The following FAM184A variants were observed in gnomAD, a reference collection of about 807,000 sequenced individuals.
FAM184A encodes protein FAM184A.
In FAM184A, 99 loss-of-function variants were observed where a neutral mutation model predicts 143.8. The ratio of observed to expected loss-of-function variants is 0.69; its 90% CI spans 0.58 to 0.81. FAM184A has a LOEUF of 0.81. Ranked by LOEUF, FAM184A falls within the 40% of genes least tolerant of loss-of-function variation. The probability of loss-of-function intolerance (pLI) is 0.00; values close to 1 mark genes in which losing one functional copy is unlikely to be tolerated. For synonymous variants in FAM184A, 427 were observed against 446.4 expected (o/e 0.96, Z 0.55); for missense variants, 1,217 against 1,310.5 (o/e 0.93, Z 1.10).
intron 9 of FAM184A, among the ~76,000 whole-genome samples, chr6:119,001,554 C>T (rs919625668): frequency 6.6e-6 from 1 of 151,882 alleles, no homozygotes; most frequent in African/African-American, 2.4e-5. Context: ...AGAATAGACA[C>T]CCAAAGAAAA....
chr6:119,092,772 T>A (rs537844483), intron 1 of FAM184A, among the ~76,000 whole-genome samples: 10 of 152,320 alleles, frequency 6.6e-5, no homozygotes, highest in African/African-American at 2.4e-4. Context: ...CTGGGTCTGA[T>A]AACTCACTCT....
chr6:119,044,294 G>T (rs1210271170), intron 1 of FAM184A, among the ~76,000 whole-genome samples: 1 of 151,930 alleles, frequency 6.6e-6, no homozygotes, highest in Non-Finnish European at 1.5e-5. Flanking sequence ...AAAACTATTC[G>T]AGCTAATAAA....
intron 16 of FAM184A, 179 bp from the exon 17 acceptor site, chr6:118,962,142 T>C (rs1583755028): frequency 3.3e-6 from 2 of 609,588 alleles, no homozygotes; most frequent in South Asian, 4.0e-5. Context: ...GTATTTTTTA[T>C]CTACATGGAA....
chr6:119,061,597 T>C (rs1332923013), intron 1 of FAM184A, among the ~76,000 whole-genome samples: 1 of 144,366 alleles, frequency 6.9e-6, no homozygotes, highest in East Asian at 2.1e-4. Context: ...AGACTGGTGT[T>C]GAACTCCTGG....
rs1286024598 is a variant in FAM184A at position 119,024,317 on chromosome 6, G to C, written c.656C>G (p.Ala219Gly). The C allele has an allele frequency of 4.3e-6, 7 of 1,614,014 alleles. No individual in the cohort carries two copies. The highest frequency in any genetic ancestry group is 4.0e-5 in the African/African-American group (3 of 74,914). Residue 219 changes from alanine (A) to glycine (G), a missense_variant, in exon 2 of 18, where the codon GCA becomes GGA. Physicochemically the swap from Ala to Gly is moderately conservative, Grantham distance 60. Transcript: ENST00000338891. ...CACCTCCATTCTGTGTAGTTCCTCT[G>C]CCTTTTCCTGGCCTTTATTTACTGA... The part of the protein sequence containing the change: ...SASVNKGQEK[A>G]EELHRMEVES...
intron 1 of FAM184A, among the ~76,000 whole-genome samples, chr6:119,107,963 C>G (rs1238243541): frequency 6.6e-6 from 1 of 152,040 alleles, no homozygotes; most frequent in Non-Finnish European, 1.5e-5. Context: ...ACATTCTTTA[C>G]AAATATGAAC....
upstream of FAM184A, chr6:119,078,711 G>A: frequency 6.4e-6 from 1 of 155,718 alleles, no homozygotes; most frequent in Non-Finnish European, 1.4e-5. The surrounding 1 kb of genome is among the most constrained non-coding windows in gnomAD (Gnocchi z 5.5). Flanking sequence ...GATAGGCGGG[G>A]ACATGGAGGA....
intron 9 of FAM184A, among the ~76,000 whole-genome samples, chr6:118,990,793 A>G (rs568034694): frequency 6.6e-6 from 1 of 152,016 alleles, no homozygotes; most frequent in East Asian, 1.9e-4. Flanking sequence ...CGGGAGGCTG[A>G]GGCAAAAGAA....
In FAM184A at chr6:119,115,810, A is replaced by C. The variant is rs564577640; in HGVS notation, c.-202+33268T>G. On this transcript the variant is annotated intron_variant, in intron 1 of 16. Coordinates refer to the FAM184A transcript ENST00000352896. ...AAACCCCATCTCTACTAAAAATACA[A>C]AAAAAAAAAATAGCCTGGTATGGTG... Among the ~76,000 whole-genome samples, 339 of 112,546 alleles carry C rather than the reference A, an allele frequency of 3.0e-3. 1 individual carries two copies. The highest frequency in any genetic ancestry group is 0.014 in the African/African-American group (312 of 21,692). The allele number at this position is 112,546 out of a possible 152,430, so 73.8% of individuals were successfully genotyped here. A position where few individuals can be genotyped will look rare whatever the true frequency, so the allele number is the denominator to read the frequency against.
At chr6:118,991,147 T>C (rs575194595) in intron 9 of FAM184A, among the ~76,000 whole-genome samples, 1 of 151,882 alleles carries the variant, frequency 6.6e-6, no homozygotes, top group South Asian at 2.1e-4. Context: ...GAAAAGATAT[T>C]TTATTTTATT....
At chr6:119,137,668 G>A (rs1254276169) in intron 1 of FAM184A, among the ~76,000 whole-genome samples, 5 of 152,174 alleles carry the variant, frequency 3.3e-5, no homozygotes. Flanking sequence ...AAAATCCAGT[G>A]AGTGAGCACC....
At chr6:119,118,733 G>T (rs1789127200) in intron 1 of FAM184A, among the ~76,000 whole-genome samples, 1 of 151,896 alleles carries the variant, frequency 6.6e-6, no homozygotes, top group Admixed American at 6.6e-5. Context: ...GTCATCTCAG[G>T]ACCCTGTGAT....
chr6:119,041,804 C>T (rs560806333), intron 1 of FAM184A, among the ~76,000 whole-genome samples: 17 of 152,308 alleles, frequency 1.1e-4, no homozygotes, highest in South Asian at 1.0e-3. Flanking sequence ...TGGTCCTGCA[C>T]GGCTAAGTGC....
At chr6:119,018,877 T>A (rs1411946271) in intron 4 of FAM184A, among the ~76,000 whole-genome samples, 1 of 149,230 alleles carries the variant, frequency 6.7e-6, no homozygotes, top group Non-Finnish European at 1.5e-5. Flanking sequence ...TTCAGCTTTT[T>A]GATTTAGCAA....
At chr6:118,970,012 T>A (rs868557266) in intron 14 of FAM184A, among the ~76,000 whole-genome samples, 2,038 of 16,450 alleles carry the variant, frequency 0.12, 592 homozygotes, top group African/African-American at 0.35. Flanking sequence ...ATATATATTT[T>A]TTTTTTTTTG....
chr6:119,102,024 C>G (rs1362560182), intron 1 of FAM184A, among the ~76,000 whole-genome samples: 1 of 151,942 alleles, frequency 6.6e-6, no homozygotes, highest in Non-Finnish European at 1.5e-5. Flanking sequence ...CCACTGCACT[C>G]CAGCCTGGGC....
intron 9 of FAM184A, among the ~76,000 whole-genome samples, chr6:119,000,952 G>C (rs1409994824): frequency 1.3e-5 from 2 of 151,224 alleles, no homozygotes; most frequent in African/African-American, 4.9e-5. Flanking sequence ...TGGGGAACAG[G>C]GCTTAGCAGC....
chr6:119,046,579 T>G (rs1786543694), intron 1 of FAM184A, among the ~76,000 whole-genome samples: 2 of 151,652 alleles, frequency 1.3e-5, no homozygotes, highest in Admixed American at 1.3e-4. Flanking sequence ...AAAAAAACTA[T>G]GCAAAAATAC....
chr6:119,097,811 T>C (rs1013168515), intron 1 of FAM184A, among the ~76,000 whole-genome samples: 1 of 152,136 alleles, frequency 6.6e-6, no homozygotes, highest in Non-Finnish European at 1.5e-5. Context: ...TGCTCCTTTT[T>C]CTCCTCGAGG....
Sources: allele counts gnomAD v4.1 joint callset (sites outside exome capture counted in the v4.1 genomes callset), GRCh38; gene constraint gnomAD v4.1.1; non-coding constraint Gnocchi (gnomAD v3.1); transcripts MANE v1.5; gene names NCBI Gene and HGNC (gene_info 2026-07-23, HGNC 2026-07-21).